The following LYSMD1 variants were observed in gnomAD, a reference collection of about 807,000 sequenced individuals.
LYSMD1 encodes the protein lysM and putative peptidoglycan-binding domain-containing protein 1.
LYSMD1 carries 9 observed loss-of-function variants against 19.3 expected under a neutral mutation model. The observed-to-expected ratio is 0.47, with a 90% confidence interval of 0.28 to 0.81. The LOEUF is 0.81. Ranked by LOEUF, LYSMD1 falls within the 40% of genes least tolerant of loss-of-function variation. The probability of loss-of-function intolerance (pLI) is 0.11; values close to 1 mark genes in which losing one functional copy is unlikely to be tolerated. For synonymous variants in LYSMD1, 111 were observed against 111.7 expected (o/e 0.99, Z 0.04); for missense variants, 262 against 279.8 (o/e 0.94, Z 0.45).
rs776671059 is a variant in LYSMD1, at chr1:151,165,566, A to C, written c.-308T>G. 199 of 1,469,718 alleles carry C rather than the reference A, an allele frequency of 1.4e-4. No individual in the cohort carries two copies. The highest frequency in any genetic ancestry group is 1.6e-4 in the Non-Finnish European group (184 of 1,116,594). 91.0% of individuals were successfully genotyped at this position (1,469,718 alleles called of 1,614,324 possible). A position where few individuals can be genotyped will look rare whatever the true frequency, so the allele number is the denominator to read the frequency against. ...GACCTCTGACCTTTGAACTCTAGAA[A>C]TAATCCTCAACACTCTTTCCTCAGT... On this transcript the variant is annotated 5_prime_UTR_variant, in exon 1 of 3. Transcript: ENST00000368908.
chr1:151,156,692 T>A (rs1479469347), downstream of LYSMD1: 1 of 152,180 alleles, frequency 6.6e-6, no homozygotes, highest in Non-Finnish European at 1.5e-5. Context: ...TCCGGGAACA[T>A]CCAAGGCAAG....
chr1:151,161,358 G>A (rs977385133), intron 2 of LYSMD1, among the ~76,000 whole-genome samples: 5 of 152,136 alleles, frequency 3.3e-5, no homozygotes, highest in African/African-American at 4.8e-5. Flanking sequence ...TTAGCCGGGC[G>A]TGGTGGCGGG....
rs1683649062 is a variant in LYSMD1 at position 151,165,493 on chromosome 1, C to T, written c.-235G>A. 17 of 1,440,238 alleles carry T rather than the reference C, an allele frequency of 1.2e-5. No homozygotes were observed. The highest frequency in any genetic ancestry group is 1.5e-5 in the Non-Finnish European group (16 of 1,103,294). 89.2% of individuals were successfully genotyped at this position (1,440,238 alleles called of 1,614,324 possible). A position where few individuals can be genotyped will look rare whatever the true frequency, so the allele number is the denominator to read the frequency against. On this transcript the variant is annotated 5_prime_UTR_variant, in exon 1 of 3. Transcript: ENST00000368908. ...TATTCAGTCCCTCCCTAATTCTCCC[C>T]TAAGCACCCCTCCGACTTTGGACTC...
chr1:151,159,093 A>C (rs1683340600), downstream of LYSMD1: 1 of 1,614,138 alleles, frequency 6.2e-7, no homozygotes, highest in Non-Finnish European at 8.5e-7. Flanking sequence ...AGTTGGTGGA[A>C]CACCACCTCA....
chr1:151,165,217 T>C lies in LYSMD1; in HGVS notation c.42A>G (p.Gly14=), dbSNP rs756583410. The C allele has an allele frequency of 6.2e-7, 1 of 1,614,070 alleles. No individual in the cohort carries two copies. Among genetic ancestry groups the C allele is most frequent in the Non-Finnish European group, 8.5e-7 (1 of 1,179,964 alleles). The change falls in exon 1 of 3, where the codon GGA becomes GGG. Residue 14 remains glycine (G), a synonymous_variant. Coordinates refer to ENST00000368908, the MANE Select transcript of LYSMD1 (RefSeq NM_212551.5). ...PSRQPPPGGS[G]LLQGSRARSY... Reference sequence around the variant, plus strand: ...AACGAGCCCGGCTCCCTTGAAGCAGTCCTGACCCCCCTGGCGGGGGCTGTC... The same window carrying C: ...AACGAGCCCGGCTCCCTTGAAGCAGCCCTGACCCCCCTGGCGGGGGCTGTC...
chr1:151,160,905 C>G lies in LYSMD1; in HGVS notation c.661G>C (p.Glu221Gln). 1 of 1,614,048 alleles carries G rather than the reference C, an allele frequency of 6.2e-7. No individual in the cohort carries two copies. The highest frequency in any genetic ancestry group is 1.1e-5 in the South Asian group (1 of 91,086). ...TSRTRTLRDQ[E>Q]DEIFKL ...CATCAGAGTTTGAAGATTTCATCCT[C>G]CTGGTCCCGTAGTGTCCGGGTCCGA... Residue 221 changes from glutamate to glutamine, a missense_variant, in exon 3 of 3, where the codon GAG becomes CAG. Physicochemically the swap from Glu to Gln is conservative, Grantham distance 29 (BLOSUM62 2). Coordinates refer to ENST00000368908, the MANE Select transcript of LYSMD1 (RefSeq NM_212551.5).
Position 151,162,012 on chromosome 1 carries a change from G to A in LYSMD1, c.269C>T (p.Pro90Leu). The change falls in exon 2 of 3, where the codon CCC (proline) becomes CTC (leucine). Residue 90 changes from proline to leucine, a missense_variant. By Grantham distance (98) the Pro-to-Leu change is moderately conservative (BLOSUM62 -3). Transcript: ENST00000368908. ...GTCCAAACCATTGAACAGGTCTCTGGGCTCTGTCAGGATGGGGATGTAGAG... is the reference window on the plus strand; with the variant it reads ...GTCCAAACCATTGAACAGGTCTCTGAGCTCTGTCAGGATGGGGATGTAGAG... ...KTLYIPILTE[P>L]RDLFNGLDSE... 1 of 1,613,738 alleles carries A rather than the reference G, an allele frequency of 6.2e-7. No individual in the cohort carries two copies. Among genetic ancestry groups the A allele is most frequent in the Non-Finnish European group, 8.5e-7 (1 of 1,179,946 alleles).
chr1:151,164,548 A>C (rs986755150), intron 1 of LYSMD1, among the ~76,000 whole-genome samples: 8 of 152,202 alleles, frequency 5.3e-5, no homozygotes, highest in Admixed American at 2.6e-4. Context: ...AGGCCACCTT[A>C]CTGGAAAGAA....
At chr1:151,154,712 C>T in the LYSMD1 span, among the ~76,000 whole-genome samples, 3 of 152,032 alleles carry the variant, frequency 2.0e-5, no homozygotes, top group South Asian at 4.2e-4. Context: ...GAGGCGCGAT[C>T]TCGGCTCACT....
At chr1:151,152,681 C>A in the LYSMD1 span, among the ~76,000 whole-genome samples, 6 of 152,144 alleles carry the variant, frequency 3.9e-5, no homozygotes, top group South Asian at 1.2e-3. Flanking sequence ...GCCTGGGCGA[C>A]AGTGTGAGAC....
At chr1:151,161,494 C>T (rs1442563546) in intron 2 of LYSMD1, among the ~76,000 whole-genome samples, 1 of 142,560 alleles carries the variant, frequency 7.0e-6, no homozygotes, top group African/African-American at 2.9e-5. Flanking sequence ...AAGACCCCGT[C>T]TCAAAAAAAA....
At chr1:151,158,583 T>C (rs1294262018), downstream of LYSMD1, 2 of 1,038,508 alleles carry the variant, frequency 1.9e-6, no homozygotes, top group African/African-American at 1.6e-5. Flanking sequence ...ACAAAGATGA[T>C]GATGACATGG....
chr1:151,165,306 C>T lies in LYSMD1; in HGVS notation c.-48G>A. 6.3e-7 allele frequency: 1 copy of T among 1,584,036 alleles called. No individual in the cohort carries two copies. Among genetic ancestry groups the T allele is most frequent in the Non-Finnish European group, 8.6e-7 (1 of 1,163,826 alleles). ...AGGTTGCAACTAGGGGAGGTACGAC[C>T]GAGACTGCGACTGACAGGCCTGAAG... On this transcript the variant is annotated 5_prime_UTR_variant, in exon 1 of 3. Transcript: ENST00000368908.
At chr1:151,150,896 G>A in the LYSMD1 span, among the ~76,000 whole-genome samples, 3 of 151,436 alleles carry the variant, frequency 2.0e-5, no homozygotes, top group Admixed American at 1.3e-4. Context: ...CCACCACCAC[G>A]CCCAGCTAAT....
downstream of LYSMD1, chr1:151,158,958 T>A: frequency 6.2e-7 from 1 of 1,614,278 alleles, no homozygotes; most frequent in Non-Finnish European, 8.5e-7. Context: ...TGGCCCTGGC[T>A]ACCCGCTTTC....
chr1:151,158,673 C>A, downstream of LYSMD1: 3 of 1,547,388 alleles, frequency 1.9e-6, no homozygotes, highest in Non-Finnish European at 2.6e-6. Flanking sequence ...TAGTGACTGA[C>A]CACATACCCC....
Position 151,165,558 on chromosome 1 carries a change from C to T in LYSMD1, c.-300G>A. 1 of 1,464,934 alleles carries T rather than the reference C, an allele frequency of 6.8e-7. No homozygotes were observed. The highest frequency in any genetic ancestry group is 1.4e-5 in the African/African-American group (1 of 70,710). The allele number at this position is 1,464,934 out of a possible 1,614,324, so 90.7% of individuals were successfully genotyped here. A position where few individuals can be genotyped will look rare whatever the true frequency, so the allele number is the denominator to read the frequency against. The stretch of plus-strand genomic sequence containing the variant: ...GCTACATTGACCTCTGACCTTTGAA[C>T]TCTAGAAATAATCCTCAACACTCTT... On this transcript the variant is annotated 5_prime_UTR_variant, in exon 1 of 3. Transcript: ENST00000368908.
intron 1 of LYSMD1, 76 bp downstream of exon 1, chr1:151,165,003 T>C (rs932166852): frequency 5.3e-6 from 7 of 1,318,618 alleles, no homozygotes; most frequent in African/African-American, 2.9e-5. Context: ...GGAGGTTACC[T>C]AGAAGGGCCA....
Position 151,160,759 on chromosome 1 carries a change from G to C in LYSMD1, c.*123C>G. On this transcript the variant is annotated 3_prime_UTR_variant, in exon 3 of 3. Coordinates refer to ENST00000368908, the MANE Select transcript of LYSMD1 (RefSeq NM_212551.5). ...AATTTTTGGCAGACAAGGAGGCTGG[G>C]GAGGATGGCTGGAGTGGAGGGAGGC... 8.0e-7 allele frequency: 1 copy of C among 1,252,312 alleles called. No individual in the cohort carries two copies. Among genetic ancestry groups the C allele is most frequent in the Non-Finnish European group, 1.1e-6 (1 of 902,744 alleles). The allele number at this position is 1,252,312 out of a possible 1,614,324, so 77.6% of individuals were successfully genotyped here. A position where few individuals can be genotyped will look rare whatever the true frequency, so the allele number is the denominator to read the frequency against.
Sources: gnomAD v4.1 joint callset for allele counts (sites outside exome capture counted in the v4.1 genomes callset) on GRCh38, gnomAD v4.1.1 for gene constraint, MANE v1.5 for transcripts, NCBI Gene and HGNC (gene_info 2026-07-23, HGNC 2026-07-21) for gene names.